The following FCN2 variants were observed in gnomAD, a reference collection of about 807,000 sequenced individuals.
The protein encoded by FCN2 is ficolin-2.
Under a neutral mutation model 32.5 loss-of-function variants are expected in FCN2, and 31 were observed. The ratio of observed to expected loss-of-function variants is 0.96; its 90% CI spans 0.72 to 1.29. The LOEUF (loss-of-function observed/expected upper bound fraction) is 1.29, where lower values mean the gene tolerates loss of function less well. Ranked by LOEUF, FCN2 falls within the 50% of genes most tolerant of loss-of-function variation. FCN2 has a pLI of 0.00. For synonymous variants in FCN2, 181 were observed against 164.5 expected, an observed-to-expected ratio of 1.10 and a Z score of -0.77; for missense variants, 412 against 406.5, an observed-to-expected ratio of 1.01 and a Z score of -0.12.
chr9:134,869,701 C>T, the FCN2 span, among the ~76,000 whole-genome samples: 2 of 152,240 alleles, frequency 1.3e-5, no homozygotes, highest in African/African-American at 4.8e-5. Flanking sequence ...TGACTCTTCT[C>T]AACCTGTGAC....
the FCN2 span, among the ~76,000 whole-genome samples, chr9:134,871,190 G>T: frequency 2.0e-5 from 3 of 152,186 alleles, no homozygotes; most frequent in East Asian, 3.9e-4. Flanking sequence ...TCCCAATCAG[G>T]CAGGGCAATA....
chr9:134,867,332 C>T, the FCN2 span, among the ~76,000 whole-genome samples: 2 of 151,908 alleles, frequency 1.3e-5, no homozygotes, highest in African/African-American at 4.8e-5. Context: ...GAGTTCACAA[C>T]CTTTGTAGGG....
chr9:134,868,670 G>A, the FCN2 span, among the ~76,000 whole-genome samples: 1 of 152,196 alleles, frequency 6.6e-6, no homozygotes, highest in Non-Finnish European at 1.5e-5. The surrounding 1 kb of genome is among the most constrained non-coding windows in gnomAD (Gnocchi z 4.3). Flanking sequence ...CCTCCCATCT[G>A]CAAGGCTAGG....
intron 3 of FCN2, 138 bp from the exon 4 acceptor site, chr9:134,884,602 A>G: frequency 1.2e-6 from 1 of 844,128 alleles, no homozygotes; most frequent in South Asian, 1.4e-5. Flanking sequence ...CAACAGAACC[A>G]GGGTCAGGGA....
chr9:134,873,909 G>GTTTTTTTTTTT, the FCN2 span, among the ~76,000 whole-genome samples: 3 of 18,330 alleles, frequency 1.6e-4, no homozygotes, highest in Non-Finnish European at 2.1e-4. Flanking sequence ...GTTTTTTTTT[G>GTTTTTTTTTTT]TTTTTGTTTT....
chr9:134,884,572 G>T (rs1274400369), intron 3 of FCN2, among the ~76,000 whole-genome samples, 168 bp from the exon 4 acceptor site: 1 of 152,188 alleles, frequency 6.6e-6, no homozygotes, highest in Non-Finnish European at 1.5e-5. Flanking sequence ...GGCATCCCTC[G>T]AGGGAAAGAA....
upstream of FCN2, among the ~76,000 whole-genome samples, chr9:134,877,246 C>G (rs1049359176): frequency 1.3e-5 from 2 of 152,128 alleles, no homozygotes; most frequent in Admixed American, 6.5e-5. Flanking sequence ...GACCTGAGAC[C>G]TTTCTTCCTT....
In FCN2 at chr9:134,887,236, G is replaced by A. The variant is rs748534479; in HGVS notation, c.763G>A (p.Gly255Arg). The A allele has an allele frequency of 7.9e-5, 128 of 1,614,018 alleles. No homozygotes were observed. The highest frequency in any genetic ancestry group is 1.0e-4 in the Non-Finnish European group (123 of 1,180,026). Residue 255 changes from glycine (G) to arginine (R), a missense_variant, in exon 8 of 8, where the codon GGA (glycine) becomes AGA (arginine). By Grantham distance (125) the Gly-to-Arg change is moderately radical. Coordinates refer to ENST00000291744, the MANE Select transcript of FCN2 (RefSeq NM_004108.3). Reference sequence around the variant, plus strand: ...AGACCAGGACAATGATCTTAACACCGGAAATTGTGCTGTGATGTTTCAGGG... The same window carrying A: ...AGACCAGGACAATGATCTTAACACCAGAAATTGTGCTGTGATGTTTCAGGG... ...TKDQDNDLNT[G>R]NCAVMFQGAW...
chr9:134,879,975 C>T (rs1285315282), upstream of FCN2, among the ~76,000 whole-genome samples: 1 of 152,108 alleles, frequency 6.6e-6, no homozygotes, highest in South Asian at 2.1e-4. Flanking sequence ...CGAGAGTGCA[C>T]CTTCAGGCCA....
upstream of FCN2, among the ~76,000 whole-genome samples, chr9:134,877,789 G>A (rs545983837): frequency 6.6e-5 from 10 of 152,352 alleles, no homozygotes; most frequent in African/African-American, 2.4e-4. Context: ...GACCTGGGCT[G>A]AGGCACAGAG....
the FCN2 span, among the ~76,000 whole-genome samples, chr9:134,874,530 G>A: frequency 6.6e-6 from 1 of 152,106 alleles, no homozygotes; most frequent in Non-Finnish European, 1.5e-5. Flanking sequence ...CATCCACGTA[G>A]GTCTATTTCT....
At chr9:134,885,425 A>T in intron 5 of FCN2, 59 bp downstream of exon 5, 1 of 1,595,682 alleles carries the variant, frequency 6.3e-7, no homozygotes, top group South Asian at 1.1e-5. Flanking sequence ...CAGGCTGCAC[A>T]CCTGGTGGGA....
the FCN2 span, among the ~76,000 whole-genome samples, chr9:134,875,251 T>G: frequency 5.1e-3 from 782 of 152,344 alleles, 4 homozygotes; most frequent in African/African-American, 0.018. Context: ...ACACCTTCTC[T>G]TGCTCTTGGT....
Position 134,880,891 on chromosome 9 carries a change from TG to T in FCN2, c.73del (p.Ala25LeufsTer11), listed in dbSNP as rs757279788. 1.2e-6 allele frequency: 2 copies of T among 1,613,558 alleles called. No homozygotes were observed. The highest frequency in any genetic ancestry group is 3.3e-5 in the Admixed American group (2 of 60,018). ...GCTGCTCTCTTTCCTGGGCATGGCC[TG>T]GGCTCTCCAGGCGGCAGACACCTGT... ...TLLLSFLGMA[W>X]ALQAADTCPE... On this transcript the variant is annotated frameshift_variant, in exon 1 of 8. Coordinates refer to ENST00000291744, the MANE Select transcript of FCN2 (RefSeq NM_004108.3). LOFTEE classifies it high-confidence loss of function.
chr9:134,868,456 T>G, the FCN2 span: 17 of 188,684 alleles, frequency 9.0e-5, no homozygotes, highest in African/African-American at 3.1e-4. The surrounding 1 kb of genome is among the most constrained non-coding windows in gnomAD (Gnocchi z 4.3). Context: ...GTGTCGGAGA[T>G]GAAGGTGCGG....
Position 134,885,851 on chromosome 9 carries a change from G to A in FCN2, c.513G>A (p.Gly171=), listed in dbSNP as rs757643121. 2.5e-6 allele frequency: 4 copies of A among 1,613,802 alleles called. No homozygotes were observed. Among genetic ancestry groups the A allele is most frequent in the Non-Finnish European group, 3.4e-6 (4 of 1,179,944 alleles). The change falls in exon 6 of 8, where the codon GGG becomes GGA. Residue 171 remains glycine (G), a synonymous_variant. Transcript: ENST00000291744. The part of the protein sequence containing the change: ...TYKQGFGSRL[G]EFWLGNDNIH... ...AGCAGGGCTTCGGCAGTCGGCTGGG[G>A]GAGTTCTGGCTGGGGAATGACAACA... is the stretch of plus-strand genomic sequence containing the variant.
Position 134,882,534 on chromosome 9 carries a change from A to T in FCN2, c.109A>T (p.Met37Leu), listed in dbSNP as rs146943969. The T allele has an allele frequency of 1.9e-6, 3 of 1,613,930 alleles. No homozygotes were observed. In the African/African-American group the frequency reaches 4.0e-5, roughly 22 times the overall value. ...CCTGTGTTTTTCTGCAGAGGTGAAG[A>T]TGGTGGGCCTGGAGGGCTCTGACAA... ...QAADTCPEVKMVGLEGSDKLT... is the reference protein window; with the variant it reads ...QAADTCPEVKLVGLEGSDKLT... The change falls in exon 2 of 8, where the codon ATG becomes TTG. Residue 37 changes from methionine to leucine, a missense_variant. Met to Leu is a conservative substitution (Grantham distance 15). Coordinates refer to ENST00000291744, the MANE Select transcript of FCN2 (RefSeq NM_004108.3).
upstream of FCN2, among the ~76,000 whole-genome samples, chr9:134,876,691 G>C (rs983815947): frequency 3.9e-5 from 6 of 152,164 alleles, no homozygotes; most frequent in Non-Finnish European, 5.9e-5. Flanking sequence ...CAATTCTCCT[G>C]CCTCAGCCTC....
chr9:134,875,237 G>A, the FCN2 span, among the ~76,000 whole-genome samples: 1 of 152,052 alleles, frequency 6.6e-6, no homozygotes, highest in Non-Finnish European at 1.5e-5. Context: ...AATGGTGGGA[G>A]TGGACACCTT....
Sources: gnomAD v4.1 joint callset for allele counts (sites outside exome capture counted in the v4.1 genomes callset) on GRCh38, gnomAD v4.1.1 for gene constraint, Gnocchi (gnomAD v3.1) non-coding constraint, MANE v1.5 for transcripts, NCBI Gene and HGNC (gene_info 2026-07-23, HGNC 2026-07-21) for gene names.